PASD1: variants seen among roughly 807,000 people sequenced by gnomAD.
PASD1 encodes the protein PAS domain containing repressor 1.
A neutral mutation model predicts 58.8 loss-of-function variants in PASD1; 13 were observed. The ratio of observed to expected loss-of-function variants is 0.22; its 90% CI spans 0.14 to 0.35. The LOEUF (loss-of-function observed/expected upper bound fraction) is 0.35, where lower values mean the gene tolerates loss of function less well. PASD1 is among the 10% of genes least tolerant of loss of function. PASD1 has a pLI of 1.00. For synonymous variants in PASD1, 236 were observed against 216.7 expected, an observed-to-expected ratio of 1.09 and a Z score of -0.78; for missense variants, 734 against 568.3, an observed-to-expected ratio of 1.29 and a Z score of -2.96.
At position 151,675,977 on chromosome X, in the gene PASD1, G is replaced by GT. The variant is rs773714305; in HGVS notation, c.2176-17dup. On this transcript the variant is annotated intron_variant, in intron 15 of 15. Transcript: ENST00000370357. The stretch of plus-strand genomic sequence containing the variant: ...CAGACTCTAGCAAACATTCCACCTT[G>GT]TTTCACTTTTTCCTGGCAGGTGCAA... 7.5e-6 allele frequency: 9 copies of GT among 1,207,705 alleles called. No individual in the cohort carries two copies. In the East Asian group the frequency reaches 2.7e-4, roughly 36 times the overall value.
intron 6 of PASD1, among the ~76,000 whole-genome samples, chrX:151,622,322 A>G (rs1569407677): frequency 9.0e-6 from 1 of 110,780 alleles, no homozygotes; most frequent in African/African-American, 3.3e-5. Flanking sequence ...CAAATAGCTA[A>G]CAAATATATG....
intron 4 of PASD1, among the ~76,000 whole-genome samples, chrX:151,617,299 T>G (rs575720494): frequency 4.5e-5 from 5 of 111,179 alleles, no homozygotes; most frequent in Non-Finnish European, 9.4e-5. Flanking sequence ...CTGGAACAGA[T>G]CCAGTGTTTC....
chrX:151,633,770 G>A (rs376311102), intron 8 of PASD1, among the ~76,000 whole-genome samples: 1 of 112,011 alleles, frequency 8.9e-6, no homozygotes, highest in Admixed American at 9.5e-5. Flanking sequence ...AAGCAGCACT[G>A]AAATTACTGA....
intron 10 of PASD1, among the ~76,000 whole-genome samples, chrX:151,663,138 T>G (rs1198992495): frequency 8.9e-6 from 1 of 112,036 alleles, no homozygotes; most frequent in Non-Finnish European, 1.9e-5. Context: ...GAGTCATGTA[T>G]CCATCACCAC....
At chrX:151,661,136 C>T (rs1457798244) in intron 10 of PASD1, among the ~76,000 whole-genome samples, 1 of 102,321 alleles carries the variant, frequency 9.8e-6, no homozygotes, top group Non-Finnish European at 2.0e-5. Context: ...GCCTGGGCGA[C>T]AGAGCAAGAC....
At chrX:151,665,234 T>C (rs1043476118) in intron 11 of PASD1, among the ~76,000 whole-genome samples, 10 of 112,430 alleles carry the variant, frequency 8.9e-5, no homozygotes, top group African/African-American at 3.2e-4. Context: ...GAAAATTCTT[T>C]GAGCTATTTA....
At chrX:151,646,041 G>A (rs1468885246) in intron 8 of PASD1, among the ~76,000 whole-genome samples, 1 of 110,338 alleles carries the variant, frequency 9.1e-6, no homozygotes, top group Non-Finnish European at 1.9e-5. Flanking sequence ...CTCCTGAATA[G>A]CTGTGACCAC....
chrX:151,655,559 G>C (rs1367289982), intron 9 of PASD1, among the ~76,000 whole-genome samples: 1 of 112,016 alleles, frequency 8.9e-6, no homozygotes, highest in Non-Finnish European at 1.9e-5. Context: ...ACTGGTGTGA[G>C]ATGGTATCTC....
intron 1 of PASD1, among the ~76,000 whole-genome samples, chrX:151,597,420 G>C (rs949360455): frequency 1.8e-5 from 2 of 111,701 alleles, no homozygotes; most frequent in African/African-American, 6.5e-5. Context: ...ATTTTCCAAG[G>C]CAGTATCCCA....
intron 1 of PASD1, among the ~76,000 whole-genome samples, chrX:151,575,675 T>G (rs2012993925): frequency 9.5e-6 from 1 of 105,065 alleles, no homozygotes; most frequent in African/African-American, 3.6e-5. Context: ...TGAGACGAGG[T>G]CTCTCTCTCT....
At chrX:151,644,734 T>A (rs922556301) in intron 8 of PASD1, among the ~76,000 whole-genome samples, 5 of 111,173 alleles carry the variant, frequency 4.5e-5, no homozygotes, top group African/African-American at 1.6e-4. Flanking sequence ...CTTTTTTTTT[T>A]TTAATTTTTC....
In PASD1 at chrX:151,668,573, T is replaced by C. The variant is rs769418620; in HGVS notation, c.1072-2465T>C. 4.2e-4 allele frequency among the ~76,000 whole-genome samples: 47 copies of C among 111,342 alleles called. 1 individual carries two copies. The South Asian group carries it at 0.017, about 39-fold the overall frequency. On this transcript the variant is annotated intron_variant, in intron 11 of 15. Transcript: ENST00000370357. ...TACAAACTACCATCAGAGAATACTA[T>C]AAACACCTCTACGCAAATAAACTAG...
intron 8 of PASD1, among the ~76,000 whole-genome samples, chrX:151,636,991 G>T (rs762774833): frequency 1.8e-5 from 2 of 112,200 alleles, no homozygotes; most frequent in South Asian, 7.5e-4. Flanking sequence ...TATAAATGGA[G>T]TCATACAGTA....
At chrX:151,649,690 A>T (rs1021525532) in intron 9 of PASD1, among the ~76,000 whole-genome samples, 1 of 112,120 alleles carries the variant, frequency 8.9e-6, no homozygotes, top group Non-Finnish European at 1.9e-5. Context: ...TATTAGATGC[A>T]CAAATGAGTA....
intron 8 of PASD1, among the ~76,000 whole-genome samples, chrX:151,640,437 G>A (rs2013983250): frequency 8.9e-6 from 1 of 112,144 alleles, no homozygotes; most frequent in South Asian, 3.7e-4. Flanking sequence ...CTTACAAACT[G>A]TAGAAATTAT....
In PASD1 at chrX:151,671,149, A is replaced by G. The variant is rs1211129765; in HGVS notation, c.1183A>G (p.Ile395Val). The G allele has an allele frequency of 3.3e-6, 4 of 1,211,967 alleles. No individual in the cohort carries two copies. Among genetic ancestry groups the G allele is most frequent in the East Asian group, 5.9e-5 (2 of 33,827 alleles). The change falls in exon 12 of 16, where the codon ATC becomes GTC. Residue 395 changes from isoleucine (I) to valine (V), a missense_variant. By Grantham distance (29) the Ile-to-Val change is conservative. Transcript: ENST00000370357. ...EERTWLLHDAIQNQQNALELM... is the reference protein window; with the variant it reads ...EERTWLLHDAVQNQQNALELM... ...GAGGACTTGGTTGCTGCATGATGCC[A>G]TCCAAAACCAGCAGAATGCATTGGA...
intron 8 of PASD1, among the ~76,000 whole-genome samples, chrX:151,644,081 ACTATCTGC>A (rs1465238081): frequency 8.9e-6 from 1 of 111,978 alleles, no homozygotes. Flanking sequence ...ACATCCATTG[ACTATCTGC>A]CTTTAGCCAA....
chrX:151,638,660 A>C (rs2013961791), intron 8 of PASD1, among the ~76,000 whole-genome samples: 1 of 111,501 alleles, frequency 9.0e-6, no homozygotes, highest in Non-Finnish European at 1.9e-5. Flanking sequence ...CATTCTCAAC[A>C]GTGTATTTTG....
chrX:151,603,527 G>A (rs1056111800), intron 2 of PASD1, among the ~76,000 whole-genome samples: 2 of 111,732 alleles, frequency 1.8e-5, no homozygotes, highest in Non-Finnish European at 3.8e-5. Context: ...GAACTGGAAG[G>A]CAATGGAGAA....
Sources: gnomAD v4.1 joint callset for allele counts (sites outside exome capture counted in the v4.1 genomes callset) on GRCh38, gnomAD v4.1.1 for gene constraint, MANE v1.5 for transcripts, NCBI Gene and HGNC (gene_info 2026-07-23, HGNC 2026-07-21) for gene names.